Variants in TAS2R1 observed in about 807,000 individuals in gnomAD.
TAS2R1 encodes taste receptor type 2 member 1.
For missense variants in TAS2R1, 370 were observed against 353.4 expected (o/e 1.05, Z -0.38); for synonymous variants, 141 against 134.2 (o/e 1.05, Z -0.35).
At chr5:9,879,984 T>G in the TAS2R1 span, among the ~76,000 whole-genome samples, 3 of 152,176 alleles carry the variant, frequency 2.0e-5, no homozygotes, top group African/African-American at 7.2e-5. Context: ...CAGGGTTTGC[T>G]TGATTTTCCT....
chr5:9,649,187 A>G (rs1740255462), intron 2 of TAS2R1, among the ~76,000 whole-genome samples: 1 of 152,158 alleles, frequency 6.6e-6, no homozygotes, highest in Non-Finnish European at 1.5e-5. Context: ...ACCGAACAAA[A>G]CCGGGAAGCT....
chr5:9,860,113 G>T, the TAS2R1 span, among the ~76,000 whole-genome samples: 1 of 152,146 alleles, frequency 6.6e-6, no homozygotes, highest in Non-Finnish European at 1.5e-5. Flanking sequence ...GAGGGGAAAT[G>T]GGAAGAAAAG....
Position 9,630,050 on chromosome 5 carries a change from A to C in TAS2R1, c.-18T>G. The stretch of plus-strand genomic sequence containing the variant: ...TCTAGCATTTTAGGAATAAAAAATT[A>C]TTTACTTAAAAAATAATGAAGTTAT... On this transcript the variant is annotated 5_prime_UTR_variant, in exon 1 of 1. Coordinates refer to ENST00000382492, the MANE Select transcript of TAS2R1 (RefSeq NM_019599.3). 6.6e-7 allele frequency: 1 copy of C among 1,523,932 alleles called. No individual in the cohort carries two copies. 94.4% of individuals were successfully genotyped at this position (1,523,932 alleles called of 1,614,324 possible).
the TAS2R1 span, among the ~76,000 whole-genome samples, chr5:9,881,359 G>C: frequency 0.06 from 9,175 of 152,104 alleles, 452 homozygotes; most frequent in Admixed American, 0.16. Context: ...AAGTCAGAGA[G>C]AACACAAACA....
chr5:9,875,258 G>A, the TAS2R1 span, among the ~76,000 whole-genome samples: 11 of 152,196 alleles, frequency 7.2e-5, no homozygotes, highest in Non-Finnish European at 1.2e-4. Context: ...CGGGAATGTG[G>A]TGGGGAACTG....
the TAS2R1 span, among the ~76,000 whole-genome samples, chr5:9,807,054 G>GA: frequency 6.6e-6 from 1 of 151,350 alleles, no homozygotes; most frequent in South Asian, 2.1e-4. Flanking sequence ...ATATCAGCAA[G>GA]AAAAAAACAA....
chr5:9,786,889 TG>T, the TAS2R1 span, among the ~76,000 whole-genome samples: 1 of 152,232 alleles, frequency 6.6e-6, no homozygotes, highest in African/African-American at 2.4e-5. Flanking sequence ...ATACTTTCTC[TG>T]CATAAGCCAC....
chr5:9,767,107 C>A, the TAS2R1 span, among the ~76,000 whole-genome samples: 1 of 152,158 alleles, frequency 6.6e-6, no homozygotes, highest in Non-Finnish European at 1.5e-5. Context: ...GATCCACTGA[C>A]ATTTCTGGAA....
At chr5:9,683,074 A>G (rs1363218657) in intron 1 of TAS2R1, among the ~76,000 whole-genome samples, 1 of 152,204 alleles carries the variant, frequency 6.6e-6, no homozygotes. Flanking sequence ...ATTGTTATTT[A>G]AAGTATTATT....
chr5:9,836,053 G>A, the TAS2R1 span, among the ~76,000 whole-genome samples: 1 of 152,038 alleles, frequency 6.6e-6, no homozygotes, highest in Non-Finnish European at 1.5e-5. Flanking sequence ...ATGGGGGCAG[G>A]TCTTTCCCAT....
At chr5:9,795,188 C>T in the TAS2R1 span, among the ~76,000 whole-genome samples, 1 of 152,140 alleles carries the variant, frequency 6.6e-6, no homozygotes, top group Non-Finnish European at 1.5e-5. Context: ...CTTCTCTAAT[C>T]AGCGTTTTCT....
At chr5:9,901,331 A>G in the TAS2R1 span, among the ~76,000 whole-genome samples, 1 of 152,032 alleles carries the variant, frequency 6.6e-6, no homozygotes, top group Non-Finnish European at 1.5e-5. Context: ...GACTCTGGTG[A>G]GACTAAGCTA....
the TAS2R1 span, among the ~76,000 whole-genome samples, chr5:9,884,181 C>T: frequency 3.3e-5 from 5 of 152,008 alleles, no homozygotes; most frequent in Non-Finnish European, 7.4e-5. Context: ...CCCTTAAAGT[C>T]CCCCCTTCTT....
chr5:9,821,060 G>A, the TAS2R1 span, among the ~76,000 whole-genome samples: 2 of 152,192 alleles, frequency 1.3e-5, no homozygotes, highest in South Asian at 2.1e-4. Flanking sequence ...TATAGGTGGA[G>A]AGGGAGAAAG....
chr5:9,887,926 G>A, the TAS2R1 span, among the ~76,000 whole-genome samples: 21 of 152,096 alleles, frequency 1.4e-4, no homozygotes, highest in African/African-American at 4.8e-4. Context: ...AAGCAGGTGG[G>A]GAGTAGGCAG....
chr5:9,644,663 G>T (rs1740154095), intron 2 of TAS2R1, among the ~76,000 whole-genome samples: 1 of 152,146 alleles, frequency 6.6e-6, no homozygotes, highest in Non-Finnish European at 1.5e-5. Flanking sequence ...GCATATAGAG[G>T]ATATTGAAAG....
chr5:9,753,780 C>T, the TAS2R1 span, among the ~76,000 whole-genome samples: 1 of 152,298 alleles, frequency 6.6e-6, no homozygotes, highest in African/African-American at 2.4e-5. Flanking sequence ...AGCCAGTTTT[C>T]CCAGCACCAT....
intron 1 of TAS2R1, among the ~76,000 whole-genome samples, chr5:9,672,915 C>T (rs1356845209): frequency 2.0e-5 from 3 of 152,090 alleles, no homozygotes; most frequent in Admixed American, 2.0e-4. Context: ...CAATGGCAGA[C>T]TGGATAAAGA....
At chr5:9,777,706 C>CT in the TAS2R1 span, among the ~76,000 whole-genome samples, 6 of 152,332 alleles carry the variant, frequency 3.9e-5, no homozygotes, top group Non-Finnish European at 7.3e-5. Context: ...ACAGTAATCA[C>CT]TATCTATAGC....
Sources: gnomAD v4.1 joint callset for allele counts (sites outside exome capture counted in the v4.1 genomes callset) on GRCh38, gnomAD v4.1.1 for gene constraint, MANE v1.5 for transcripts, NCBI Gene and HGNC (gene_info 2026-07-23, HGNC 2026-07-21) for gene names.